The following DGKK variants were observed in gnomAD, a reference collection of about 807,000 sequenced individuals.
The protein encoded by DGKK is diacylglycerol kinase kappa.
A neutral mutation model predicts 92.2 loss-of-function variants in DGKK; 35 were observed. The ratio of observed to expected loss-of-function variants is 0.38; its 90% CI spans 0.29 to 0.50. The LOEUF is 0.50. Ranked by LOEUF, DGKK falls within the 20% of genes least tolerant of loss-of-function variation. The pLI is 0.92. For synonymous variants in DGKK, 368 were observed against 360.6 expected, an observed-to-expected ratio of 1.02 and a Z score of -0.23; for missense variants, 910 against 992.2, an observed-to-expected ratio of 0.92 and a Z score of 1.11.
intron 8 of DGKK, among the ~76,000 whole-genome samples, chrX:50,393,983 G>A (rs1322833700): frequency 8.9e-6 from 1 of 112,208 alleles, no homozygotes; most frequent in Non-Finnish European, 1.9e-5. Context: ...TCTGAACAAG[G>A]GAGAGGCTTT....
At chrX:50,463,329 C>T (rs1926809090) in intron 1 of DGKK, among the ~76,000 whole-genome samples, 1 of 81,316 alleles carries the variant, frequency 1.2e-5, no homozygotes, top group Non-Finnish European at 2.4e-5. Context: ...TTCTTTTTCC[C>T]TCTCCTCCCT....
chrX:50,459,563 T>G (rs1557233151), intron 1 of DGKK, among the ~76,000 whole-genome samples: 3 of 110,948 alleles, frequency 2.7e-5, no homozygotes. Context: ...TAATGGGTAC[T>G]TTGATTCCAT....
At chrX:50,414,924 C>T (rs1337148434) in intron 4 of DGKK, among the ~76,000 whole-genome samples, 2 of 111,706 alleles carry the variant, frequency 1.8e-5, no homozygotes, top group East Asian at 2.8e-4. Context: ...TAGAACTATT[C>T]GGATGTGAAG....
At chrX:50,387,476 G>C (rs1602271832) in intron 14 of DGKK, 78 bp downstream of exon 14, 1 of 742,590 alleles carries the variant, frequency 1.3e-6, no homozygotes, top group Non-Finnish European at 2.0e-6. Context: ...TTCCCAGTGA[G>C]AGGCATGTTT....
At chrX:50,445,274 C>A (rs1367552680) in intron 1 of DGKK, among the ~76,000 whole-genome samples, 1 of 110,247 alleles carries the variant, frequency 9.1e-6, no homozygotes, top group Admixed American at 9.7e-5. Flanking sequence ...TGAAGAAGCT[C>A]TTAAGTTTAA....
At chrX:50,462,175 T>G (rs1301269708) in intron 1 of DGKK, among the ~76,000 whole-genome samples, 1 of 111,361 alleles carries the variant, frequency 9.0e-6, no homozygotes, top group Non-Finnish European at 1.9e-5. Flanking sequence ...TTCTTTTTCT[T>G]TTGGACAGTG....
chrX:50,418,360 T>C (rs782336508), intron 4 of DGKK, among the ~76,000 whole-genome samples: 36 of 111,995 alleles, frequency 3.2e-4, no homozygotes, highest in African/African-American at 8.8e-4. Context: ...TTGCATCTTT[T>C]TTTTCTACTC....
At chrX:50,447,383 A>ATT (rs1491501488) in intron 1 of DGKK, among the ~76,000 whole-genome samples, 39 of 10,699 alleles carry the variant, frequency 3.6e-3, no homozygotes, top group African/African-American at 0.035. Flanking sequence ...ATATATATAT[A>ATT]ATATATATAT....
chrX:50,459,258 C>T (rs1375304831), intron 1 of DGKK, among the ~76,000 whole-genome samples: 14 of 111,015 alleles, frequency 1.3e-4, no homozygotes, highest in African/African-American at 4.6e-4. Context: ...ACACCAAGTA[C>T]CTAATTATTG....
At chrX:50,374,620 T>C (rs1324612922) in intron 25 of DGKK, among the ~76,000 whole-genome samples, 1 of 111,460 alleles carries the variant, frequency 9.0e-6, no homozygotes, top group African/African-American at 3.3e-5. Context: ...GAAAGAGGCA[T>C]GTAGAAACTT....
intron 1 of DGKK, among the ~76,000 whole-genome samples, chrX:50,452,320 C>T (rs1453241999): frequency 8.9e-6 from 1 of 111,915 alleles, no homozygotes; most frequent in Non-Finnish European, 1.9e-5. Flanking sequence ...TAGACAAGGA[C>T]ATTAAGGCAT....
Position 50,379,701 on chromosome X carries a change from G to T in DGKK, c.2788C>A (p.Gln930Lys), listed in dbSNP as rs781865988. The T allele has an allele frequency of 8.3e-7, 1 of 1,210,931 alleles. No homozygotes were observed. Among genetic ancestry groups the T allele is most frequent in the Non-Finnish European group, 1.1e-6 (1 of 894,887 alleles). The change falls in exon 20 of 28, where the codon CAA becomes AAA. Residue 930 changes from glutamine to lysine, a missense_variant. Transcript: ENST00000611977. Reference sequence around the variant, plus strand: ...GTAATGTTGAGCACTACAATGCCTTGCAGGTTTGGCAAGGAGATGGTTTCT... The same window carrying T: ...GTAATGTTGAGCACTACAATGCCTTTCAGGTTTGGCAAGGAGATGGTTTCT... ...DGETISLPNL[Q>K]GIVVLNITSY... is the part of the protein sequence containing the mutation.
At chrX:50,462,921 A>G (rs1460095199) in intron 1 of DGKK, among the ~76,000 whole-genome samples, 1 of 65,154 alleles carries the variant, frequency 1.5e-5, no homozygotes, top group East Asian at 4.8e-4. Flanking sequence ...TTTTTTAATG[A>G]AACAGTGAAG....
intron 7 of DGKK, among the ~76,000 whole-genome samples, chrX:50,402,237 G>A (rs1002806798): frequency 3.6e-5 from 4 of 110,465 alleles, no homozygotes; most frequent in East Asian, 2.9e-4. Context: ...GCAAGACTCC[G>A]TCTCTACAAA....
chrX:50,439,586 G>A (rs1419806749), intron 1 of DGKK, among the ~76,000 whole-genome samples: 3 of 110,628 alleles, frequency 2.7e-5, no homozygotes, highest in Non-Finnish European at 5.7e-5. Flanking sequence ...AGGGTAGTGG[G>A]GGCTCAATTT....
At chrX:50,432,190 C>T (rs782773954) in intron 1 of DGKK, among the ~76,000 whole-genome samples, 2 of 112,120 alleles carry the variant, frequency 1.8e-5, no homozygotes, top group East Asian at 2.8e-4. Context: ...CTTTCTACCA[C>T]GCAGGTCTGC....
intron 1 of DGKK, among the ~76,000 whole-genome samples, chrX:50,453,233 G>A (rs916120023): frequency 1.8e-5 from 2 of 111,331 alleles, no homozygotes; most frequent in Non-Finnish European, 3.8e-5. Context: ...GGTGGACTAG[G>A]AAGTGGTTTT....
chrX:50,436,915 A>G (rs1926042989), intron 1 of DGKK, among the ~76,000 whole-genome samples: 1 of 111,398 alleles, frequency 9.0e-6, no homozygotes, highest in Non-Finnish European at 1.9e-5. Context: ...GCCTAGTTTT[A>G]CCTTTCCTGT....
chrX:50,404,820 G>A (rs149348618), intron 4 of DGKK, among the ~76,000 whole-genome samples: 243 of 111,215 alleles, frequency 2.2e-3, no homozygotes, highest in African/African-American at 7.5e-3. Flanking sequence ...AAGACAGGAG[G>A]TAAGGCTCTG....
Sources: gnomAD v4.1 joint callset for allele counts (sites outside exome capture counted in the v4.1 genomes callset) on GRCh38, gnomAD v4.1.1 for gene constraint, MANE v1.5 for transcripts, NCBI Gene and HGNC (gene_info 2026-07-23, HGNC 2026-07-21) for gene names.